FAM117B: variants seen among roughly 807,000 people sequenced by gnomAD.
FAM117B encodes the protein protein FAM117B.
In FAM117B, 22 loss-of-function variants were observed where a neutral mutation model predicts 52.8. The observed-to-expected ratio is 0.42, with a 90% CI of 0.30 to 0.59. The LOEUF is 0.59. Among genes scored for constraint, FAM117B ranks in the 20% least tolerant of loss-of-function variants. The probability of loss-of-function intolerance (pLI) is 0.22; values close to 1 mark genes in which losing one functional copy is unlikely to be tolerated. For synonymous variants in FAM117B, 309 were observed against 324.1 expected (o/e 0.95, Z 0.50); for missense variants, 678 against 802.6 (o/e 0.84, Z 1.88).
At chr2:202,675,424 C>G (rs755076015) in intron 1 of FAM117B, among the ~76,000 whole-genome samples, 1 of 119,278 alleles carries the variant, frequency 8.4e-6, no homozygotes, top group South Asian at 2.5e-4. Flanking sequence ...ACCGCCTGGG[C>G]GACAGAGTGA....
intron 1 of FAM117B, among the ~76,000 whole-genome samples, chr2:202,674,202 T>A (rs1185370394): frequency 2.0e-5 from 3 of 152,212 alleles, no homozygotes; most frequent in Non-Finnish European, 2.9e-5. Context: ...TATAAAATTG[T>A]CTATCAAGTC....
chr2:202,729,007 A>C (rs1465437601), intron 4 of FAM117B, among the ~76,000 whole-genome samples: 1 of 152,190 alleles, frequency 6.6e-6, no homozygotes, highest in Non-Finnish European at 1.5e-5. Flanking sequence ...GCACATGTGC[A>C]TCATGATAGT....
rs371952110 is a variant in FAM117B, at chr2:202,636,983, T to C, written c.601+1195T>C. On this transcript the variant is annotated intron_variant, in intron 1 of 7. Coordinates refer to ENST00000392238, the MANE Select transcript of FAM117B (RefSeq NM_173511.4). ...TACACGATCTCGGCTTACTGCAGCCTCCAACTCCCGGGTTCAAACGATTCT... is the reference window on the plus strand; with the variant it reads ...TACACGATCTCGGCTTACTGCAGCCCCCAACTCCCGGGTTCAAACGATTCT... Among the ~76,000 whole-genome samples, 8 of 149,042 alleles carry C rather than the reference T, an allele frequency of 5.4e-5. No homozygotes were observed. In the East Asian group the frequency reaches 1.4e-3, roughly 27 times the overall value.
chr2:202,635,923 G>C, intron 1 of FAM117B, 135 bp downstream of exon 1: 1 of 938,734 alleles, frequency 1.1e-6, no homozygotes, highest in Non-Finnish European at 1.3e-6. Flanking sequence ...GGCGGTGCCG[G>C]GCGGTGGGGG....
intron 1 of FAM117B, among the ~76,000 whole-genome samples, chr2:202,692,286 C>T (rs191546228): frequency 6.6e-6 from 1 of 152,066 alleles, no homozygotes. Context: ...CATAAATGAG[C>T]TAAGCTCATC....
chr2:202,644,053 G>GTTTTTTTTTTT lies in FAM117B; in HGVS notation c.601+8275_601+8276insTTTTTTTTTTT, dbSNP rs1219743876. 3.0e-4 allele frequency among the ~76,000 whole-genome samples: 18 copies of GTTTTTTTTTTT among 60,152 alleles called. 1 individual carries two copies. Among genetic ancestry groups the GTTTTTTTTTTT allele is most frequent in the African/African-American group, 1.4e-3 (17 of 12,568 alleles). 39.5% of individuals were successfully genotyped at this position (60,152 alleles called of 152,430 possible). A position where few individuals can be genotyped will look rare whatever the true frequency, so the allele number is the denominator to read the frequency against. ...ATGCTATACTACTGCTTTAGGAGCTGTTTTTTTTTTGTTTTTTTTTTTTTT... is the reference window on the plus strand; with the variant it reads ...ATGCTATACTACTGCTTTAGGAGCTGTTTTTTTTTTTTTTTTTTTTTGTTTTTTTTTTTTTT... On this transcript the variant is annotated intron_variant, in intron 1 of 7. Coordinates refer to ENST00000392238, the MANE Select transcript of FAM117B (RefSeq NM_173511.4).
At chr2:202,697,854 A>T (rs1690735917) in intron 2 of FAM117B, among the ~76,000 whole-genome samples, 1 of 150,646 alleles carries the variant, frequency 6.6e-6, no homozygotes, top group Non-Finnish European at 1.5e-5. Context: ...GTGGCCCGAG[A>T]TAATGTTTTT....
At chr2:202,757,187 C>A (rs931519935) in intron 5 of FAM117B, 26 bp from the exon 6 acceptor site, 25 of 1,602,870 alleles carry the variant, frequency 1.6e-5, no homozygotes, top group Non-Finnish European at 2.1e-5. Flanking sequence ...TATAAATATA[C>A]CTATGTTTTT....
chr2:202,713,340 T>C (rs1198017123), intron 2 of FAM117B, among the ~76,000 whole-genome samples: 2 of 152,218 alleles, frequency 1.3e-5, no homozygotes, highest in Non-Finnish European at 2.9e-5. Context: ...TAGCCAATAA[T>C]GATCCTTTGA....
chr2:202,693,341 C>T (rs1690663236), intron 1 of FAM117B, among the ~76,000 whole-genome samples: 1 of 149,698 alleles, frequency 6.7e-6, no homozygotes, highest in Non-Finnish European at 1.5e-5. Flanking sequence ...GGGTGTGGTG[C>T]CTCATGCCTG....
At chr2:202,636,780 A>G (rs1035331111) in intron 1 of FAM117B, among the ~76,000 whole-genome samples, 3 of 152,252 alleles carry the variant, frequency 2.0e-5, no homozygotes, top group Non-Finnish European at 4.4e-5. Context: ...TGGGAATTTC[A>G]GGAAACAAAT....
chr2:202,678,744 G>C (rs544641706), intron 1 of FAM117B, among the ~76,000 whole-genome samples: 1 of 152,266 alleles, frequency 6.6e-6, no homozygotes, highest in East Asian at 1.9e-4. Flanking sequence ...TTTTAGTAGA[G>C]ACGGGGTTTC....
chr2:202,706,072 G>C (rs557458102), intron 2 of FAM117B, among the ~76,000 whole-genome samples: 8 of 152,186 alleles, frequency 5.3e-5, no homozygotes, highest in African/African-American at 1.9e-4. Context: ...GAGTGTAGTG[G>C]CTATTCACAG....
At chr2:202,658,722 A>G (rs949703598) in intron 1 of FAM117B, among the ~76,000 whole-genome samples, 7 of 152,212 alleles carry the variant, frequency 4.6e-5, no homozygotes, top group East Asian at 1.9e-4. Context: ...TGAGACATCT[A>G]TAATCACTGG....
chr2:202,688,243 T>A (rs1299933651), intron 1 of FAM117B, among the ~76,000 whole-genome samples: 1 of 152,100 alleles, frequency 6.6e-6, no homozygotes, highest in African/African-American at 2.4e-5. Flanking sequence ...TTCAAAAAAA[T>A]ATAGATAATA....
At chr2:202,759,820 G>A (rs1373646972) in intron 7 of FAM117B, among the ~76,000 whole-genome samples, 1 of 150,406 alleles carries the variant, frequency 6.6e-6, no homozygotes, top group African/African-American at 2.4e-5. Flanking sequence ...GCCTACCAAA[G>A]TGCTGGGATT....
At chr2:202,753,835 C>T (rs756803501) in intron 4 of FAM117B, among the ~76,000 whole-genome samples, 105 of 151,324 alleles carry the variant, frequency 6.9e-4, no homozygotes, top group Admixed American at 2.2e-3. Context: ...TACCATCTCA[C>T]GCCAGTCAGA....
chr2:202,648,449 G>A (rs1689902627), intron 1 of FAM117B, among the ~76,000 whole-genome samples: 1 of 151,898 alleles, frequency 6.6e-6, no homozygotes, highest in South Asian at 2.1e-4. Flanking sequence ...CCTGGGAGGT[G>A]GAGGTTGCAG....
At chr2:202,727,461 A>G (rs1181824545) in intron 4 of FAM117B, among the ~76,000 whole-genome samples, 3 of 152,158 alleles carry the variant, frequency 2.0e-5, no homozygotes, top group African/African-American at 2.4e-5. Flanking sequence ...GATTCAACCA[A>G]CCATGGATCA....
Sources: gnomAD v4.1 joint callset for allele counts (sites outside exome capture counted in the v4.1 genomes callset) on GRCh38, gnomAD v4.1.1 for gene constraint, MANE v1.5 for transcripts, NCBI Gene and HGNC (gene_info 2026-07-23, HGNC 2026-07-21) for gene names.